STK3: variants seen among roughly 807,000 people sequenced by gnomAD.
The protein encoded by STK3 is serine/threonine kinase 3.
A neutral mutation model predicts 58.0 loss-of-function variants in STK3; 41 were observed. The ratio of observed to expected loss-of-function variants is 0.71; its 90% confidence interval spans 0.55 to 0.92. The LOEUF is 0.92. Among genes scored for constraint, STK3 ranks in the 40% least tolerant of loss-of-function variants. STK3 has a pLI of 0.00. For missense variants in STK3, 479 were observed against 602.7 expected (o/e 0.79, Z 2.15); for synonymous variants, 170 against 191.0 (o/e 0.89, Z 0.91).
intron 6 of STK3, among the ~76,000 whole-genome samples, chr8:98,704,251 A>C (rs1825809534): frequency 6.6e-6 from 1 of 152,270 alleles, no homozygotes; most frequent in African/African-American, 2.4e-5. Context: ...ACTTGTTACC[A>C]GTGATAAAAC....
At chr8:98,479,428 C>T (rs1357862502) in intron 10 of STK3, among the ~76,000 whole-genome samples, 4 of 136,694 alleles carry the variant, frequency 2.9e-5, no homozygotes, top group South Asian at 4.8e-4. Flanking sequence ...TGGAGGTTGC[C>T]GTGAGCCAAG....
intron 1 of STK3, among the ~76,000 whole-genome samples, chr8:98,917,378 G>A (rs1034167691): frequency 3.9e-5 from 6 of 152,116 alleles, no homozygotes; most frequent in Non-Finnish European, 7.4e-5. Flanking sequence ...TGCATTCCAG[G>A]GAGCAGAATC....
intron 3 of STK3, among the ~76,000 whole-genome samples, chr8:98,840,742 C>T (rs931221036): frequency 6.6e-5 from 10 of 151,604 alleles, no homozygotes; most frequent in African/African-American, 2.4e-4. Flanking sequence ...AACCATTTAA[C>T]ATTTATTACC....
At chr8:98,568,950 A>G (rs192194428) in intron 8 of STK3, among the ~76,000 whole-genome samples, 3 of 152,254 alleles carry the variant, frequency 2.0e-5, no homozygotes, top group African/African-American at 7.2e-5. Flanking sequence ...AAAAAGTCAA[A>G]AGACACTCCA....
At chr8:98,360,993 G>A in the STK3 span, among the ~76,000 whole-genome samples, 4 of 152,108 alleles carry the variant, frequency 2.6e-5, no homozygotes, top group African/African-American at 9.7e-5. Context: ...TAGCACCCAA[G>A]CTCCACAGGA....
At chr8:98,648,259 C>G (rs1015131401) in intron 6 of STK3, among the ~76,000 whole-genome samples, 1 of 152,166 alleles carries the variant, frequency 6.6e-6, no homozygotes, top group African/African-American at 2.4e-5. Context: ...TCATAGCAAA[C>G]AGTGGAATAT....
intron 10 of STK3, among the ~76,000 whole-genome samples, chr8:98,481,280 T>C (rs1382276302): frequency 6.6e-6 from 1 of 152,030 alleles, no homozygotes; most frequent in Non-Finnish European, 1.5e-5. Flanking sequence ...AGATGTTTAA[T>C]AAAAAAGACA....
chr8:98,669,919 T>A (rs1225882786), intron 6 of STK3, among the ~76,000 whole-genome samples: 1 of 152,232 alleles, frequency 6.6e-6, no homozygotes, highest in African/African-American at 2.4e-5. Context: ...AATGAAGAGA[T>A]GTTCAGAAGG....
At position 98,836,216 on chromosome 8, in the gene STK3, A is replaced by AC. The variant is rs547770615; in HGVS notation, c.110+47430dup. Among the ~76,000 whole-genome samples the AC allele has an allele frequency of 8.7e-3, 1,316 of 151,978 alleles. 11 individuals are homozygous for AC. The highest frequency in any genetic ancestry group is 0.03 in the African/African-American group (1,239 of 41,446). ...ACTCTGTCTCAACAGAAAAAAAAAAACCCACAAGAGAAATTTATTTCTCAC... is the reference window on the plus strand; with the variant it reads ...ACTCTGTCTCAACAGAAAAAAAAAAACCCCACAAGAGAAATTTATTTCTCAC... On this transcript the variant is annotated intron_variant, in intron 3 of 12. Coordinates refer to the STK3 transcript ENST00000523601.
At position 98,573,082 on chromosome 8, in the gene STK3, T is replaced by C. The variant is rs1465746370; in HGVS notation, c.948+6582A>G. Among the ~76,000 whole-genome samples the C allele has an allele frequency of 3.9e-5, 6 of 152,282 alleles. No individual in the cohort carries two copies. The East Asian group carries it at 9.6e-4, about 24-fold the overall frequency. On this transcript the variant is annotated intron_variant, in intron 8 of 10. Coordinates refer to ENST00000419617, the MANE Select transcript of STK3 (RefSeq NM_006281.4). ...GCAGTGGGCAGAAGCTAGAAGCACT[T>C]TGAAGACAGTTTTAGTAAGAGCCTG...
At chr8:98,464,383 G>T (rs1260393698) in intron 10 of STK3, among the ~76,000 whole-genome samples, 12 of 151,744 alleles carry the variant, frequency 7.9e-5, no homozygotes, top group Admixed American at 4.6e-4. Context: ...GTTGATGGAG[G>T]CTGCCACACA....
chr8:98,851,320 C>A (rs576402729), intron 3 of STK3, among the ~76,000 whole-genome samples: 1 of 152,132 alleles, frequency 6.6e-6, no homozygotes, highest in Non-Finnish European at 1.5e-5. Context: ...CATCTTCAGG[C>A]AATGTGCGGA....
intron 6 of STK3, among the ~76,000 whole-genome samples, chr8:98,697,258 A>G (rs1472466881): frequency 1.4e-4 from 21 of 151,692 alleles, no homozygotes; most frequent in African/African-American, 5.1e-4. Context: ...TTTCTTCTTT[A>G]TTAGTCTTGC....
At chr8:98,400,975 T>C (rs541738807), downstream of STK3, among the ~76,000 whole-genome samples, 13 of 152,178 alleles carry the variant, frequency 8.5e-5, no homozygotes, top group South Asian at 6.2e-4. Context: ...GTGTCATCTC[T>C]CCTTGAATCT....
intron 6 of STK3, among the ~76,000 whole-genome samples, chr8:98,677,078 C>T (rs1485633022): frequency 6.6e-6 from 1 of 152,152 alleles, no homozygotes; most frequent in Non-Finnish European, 1.5e-5. Context: ...CACTTGATGT[C>T]CAGGGCAGGA....
intron 1 of STK3, among the ~76,000 whole-genome samples, chr8:98,440,465 CT>C (rs1346220262): frequency 2.0e-5 from 3 of 152,178 alleles, no homozygotes; most frequent in Non-Finnish European, 4.4e-5. Context: ...CCCTTTTCAT[CT>C]TGCAAAACAA....
chr8:98,600,180 G>A (rs900877876), intron 6 of STK3, among the ~76,000 whole-genome samples: 2 of 152,100 alleles, frequency 1.3e-5, no homozygotes, highest in South Asian at 2.1e-4. Context: ...GCCAAGAAAG[G>A]CCAATGTGCC....
At chr8:98,739,071 G>A (rs1828928303) in intron 4 of STK3, among the ~76,000 whole-genome samples, 1 of 152,240 alleles carries the variant, frequency 6.6e-6, no homozygotes, top group South Asian at 2.1e-4. Context: ...GCTTGCTTAG[G>A]TAAACAAAGC....
intron 1 of STK3, among the ~76,000 whole-genome samples, chr8:98,790,781 G>A (rs539295929): frequency 7.2e-5 from 11 of 152,130 alleles, no homozygotes; most frequent in African/African-American, 2.2e-4. Context: ...TCAGGAGTTC[G>A]AGATCAGCCT....
Sources: gnomAD v4.1 joint callset for allele counts (sites outside exome capture counted in the v4.1 genomes callset) on GRCh38, gnomAD v4.1.1 for gene constraint, MANE v1.5 for transcripts, NCBI Gene and HGNC (gene_info 2026-07-23, HGNC 2026-07-21) for gene names.